The following BABAM2 variants were observed in gnomAD, a reference collection of about 807,000 sequenced individuals.
BABAM2 encodes the protein BRISC and BRCA1 A complex member 2.
Under a neutral mutation model 54.7 loss-of-function variants are expected in BABAM2, and 31 were observed. The ratio of observed to expected loss-of-function variants is 0.57; its 90% CI spans 0.43 to 0.77. The LOEUF is 0.77. BABAM2 is among the 30% of genes least tolerant of loss of function. The probability of loss-of-function intolerance (pLI) is 0.00; values close to 1 mark genes in which losing one functional copy is unlikely to be tolerated. For missense variants in BABAM2, 364 were observed against 455.8 expected, an observed-to-expected ratio of 0.80 and a Z score of 1.83; for synonymous variants, 167 against 162.9, an observed-to-expected ratio of 1.03 and a Z score of -0.19.
At chr2:28,245,504 G>T (rs1182139384) in intron 10 of BABAM2, among the ~76,000 whole-genome samples, 2 of 152,202 alleles carry the variant, frequency 1.3e-5, no homozygotes, top group African/African-American at 4.8e-5. Context: ...TAATCCATCA[G>T]TCTGTAAACA....
intron 7 of BABAM2, among the ~76,000 whole-genome samples, chr2:28,180,770 GA>G (rs1334463465): frequency 7.9e-5 from 12 of 151,546 alleles, no homozygotes; most frequent in African/African-American, 2.2e-4. Context: ...ACAGCAAAAA[GA>G]AAAAAAATCA....
intron 11 of BABAM2, among the ~76,000 whole-genome samples, chr2:28,334,429 G>C (rs1386921670): frequency 6.6e-6 from 1 of 152,266 alleles, no homozygotes; most frequent in South Asian, 2.1e-4. Flanking sequence ...AGGCACCTGT[G>C]GGGGCTATAG....
chr2:28,067,812 C>G (rs1380453900), intron 6 of BABAM2, among the ~76,000 whole-genome samples: 1 of 152,176 alleles, frequency 6.6e-6, no homozygotes, highest in African/African-American at 2.4e-5. Flanking sequence ...AGGGCAGATG[C>G]TGGGAAGAGT....
intron 7 of BABAM2, among the ~76,000 whole-genome samples, chr2:28,175,053 T>G (rs1190160724): frequency 6.6e-6 from 1 of 152,188 alleles, no homozygotes; most frequent in Non-Finnish European, 1.5e-5. Context: ...CTATTGCCAC[T>G]GACAGCAACC....
In BABAM2 at chr2:28,183,745, A is replaced by T. The variant is rs1032586428; in HGVS notation, c.681-53457A>T. Among the ~76,000 whole-genome samples, 232 of 149,920 alleles carry T rather than the reference A, an allele frequency of 1.5e-3. 1 individual carries two copies. The South Asian group carries it at 0.028, about 18-fold the overall frequency. On this transcript the variant is annotated intron_variant, in intron 7 of 11. Transcript: ENST00000379624. ...TGTTACTTTTGGATGAAGATCACACACACACACACACACACACACACACAC... is the reference window on the plus strand; with the variant it reads ...TGTTACTTTTGGATGAAGATCACACTCACACACACACACACACACACACAC...
intron 6 of BABAM2, among the ~76,000 whole-genome samples, chr2:28,097,711 T>C (rs1300832700): frequency 1.3e-5 from 2 of 152,236 alleles, no homozygotes; most frequent in Non-Finnish European, 2.9e-5. Context: ...TTGGCAGTTA[T>C]AAAGTTCTCT....
intron 5 of BABAM2, among the ~76,000 whole-genome samples, chr2:28,027,739 T>TG (rs1675978565): frequency 6.6e-6 from 1 of 152,248 alleles, no homozygotes. Flanking sequence ...TTCCACTTTT[T>TG]GACTTTTATG....
chr2:28,313,111 T>C (rs1381137719), intron 11 of BABAM2, among the ~76,000 whole-genome samples: 2 of 152,218 alleles, frequency 1.3e-5, no homozygotes, highest in African/African-American at 4.8e-5. Flanking sequence ...CATGGGTGCC[T>C]TCTTCCTAGT....
intron 5 of BABAM2, among the ~76,000 whole-genome samples, 178 bp from the exon 6 acceptor site, chr2:28,045,547 T>C (rs1291947798): frequency 6.6e-6 from 1 of 152,228 alleles, no homozygotes; most frequent in East Asian, 1.9e-4. Context: ...ACTAATAATT[T>C]AAGAACTCTT....
intron 3 of BABAM2, among the ~76,000 whole-genome samples, chr2:27,983,160 C>G (rs909806406): frequency 2.6e-5 from 4 of 151,990 alleles, no homozygotes; most frequent in African/African-American, 9.7e-5. Context: ...TCTTCATGTT[C>G]TCACCCACCC....
At chr2:28,169,654 G>A (rs560810438) in intron 7 of BABAM2, among the ~76,000 whole-genome samples, 9 of 151,868 alleles carry the variant, frequency 5.9e-5, no homozygotes, top group Admixed American at 2.6e-4. Flanking sequence ...GTAGTAGGGC[G>A]TGCCTGTAGT....
intron 3 of BABAM2, among the ~76,000 whole-genome samples, chr2:27,966,765 A>G (rs926053424): frequency 1.3e-5 from 2 of 152,210 alleles, no homozygotes; most frequent in Non-Finnish European, 2.9e-5. Context: ...TGTTTGATTA[A>G]TTTGGTACAT....
chr2:27,975,519 A>AG (rs1485170525), intron 3 of BABAM2, among the ~76,000 whole-genome samples: 3 of 152,122 alleles, frequency 2.0e-5, no homozygotes, highest in African/African-American at 7.2e-5. Flanking sequence ...ATGCAAAAAA[A>AG]AGGACCTTGA....
At chr2:27,892,917 A>G (rs1249727637) in intron 1 of BABAM2, among the ~76,000 whole-genome samples, 1 of 152,214 alleles carries the variant, frequency 6.6e-6, no homozygotes, top group East Asian at 1.9e-4. Context: ...AATCTCGAAG[A>G]TACTTCTGGT....
rs1371456618 is a variant in BABAM2, at chr2:28,325,929, G to A, written c.1089-12521G>A. Reference sequence around the variant, plus strand: ...AGACTCAGGGGAGGGGAAGGTTAGAGGCCTCAAGGAGTTGATCTCCTAAGT... The same window carrying A: ...AGACTCAGGGGAGGGGAAGGTTAGAAGCCTCAAGGAGTTGATCTCCTAAGT... On this transcript the variant is annotated intron_variant, in intron 11 of 11. Coordinates refer to ENST00000379624, the MANE Select transcript of BABAM2 (RefSeq NM_199191.3). This position sits in a 1 kb window ranked among gnomAD's most constrained non-coding sequence, Gnocchi z 4.3. Among the ~76,000 whole-genome samples the A allele has an allele frequency of 2.6e-5, 4 of 152,232 alleles. No individual in the cohort carries two copies. Among genetic ancestry groups the A allele is most frequent in the Non-Finnish European group, 5.9e-5 (4 of 68,046 alleles).
intron 7 of BABAM2, chr2:28,233,088 G>T: frequency 2.8e-6 from 1 of 358,396 alleles, no homozygotes; most frequent in Non-Finnish European, 5.8e-6. Flanking sequence ...ATTCCATGAA[G>T]AGAGAGAAGG....
At chr2:28,231,356 C>T (rs1328597809) in intron 7 of BABAM2, among the ~76,000 whole-genome samples, 1 of 152,136 alleles carries the variant, frequency 6.6e-6, no homozygotes, top group African/African-American at 2.4e-5. Flanking sequence ...AAGGACTTAT[C>T]GTTGGTACCC....
At chr2:28,152,791 T>C (rs1450654458) in intron 7 of BABAM2, among the ~76,000 whole-genome samples, 1 of 152,174 alleles carries the variant, frequency 6.6e-6, no homozygotes, top group Non-Finnish European at 1.5e-5. Flanking sequence ...TTGAGCTGAG[T>C]CTTAAAGGAT....
intron 7 of BABAM2, among the ~76,000 whole-genome samples, chr2:28,174,449 C>G (rs1674695446): frequency 6.6e-6 from 1 of 152,240 alleles, no homozygotes; most frequent in Non-Finnish European, 1.5e-5. Context: ...TAGATAATCA[C>G]ACTTTGAATA....
Sources: allele counts gnomAD v4.1 joint callset (sites outside exome capture counted in the v4.1 genomes callset), GRCh38; gene constraint gnomAD v4.1.1; non-coding constraint Gnocchi (gnomAD v3.1); transcripts MANE v1.5; gene names NCBI Gene and HGNC (gene_info 2026-07-23, HGNC 2026-07-21).